PDE1A: variants seen among roughly 807,000 people sequenced by gnomAD.
PDE1A encodes the protein dual specificity calcium/calmodulin-dependent 3',5'-cyclic nucleotide phosphodiesterase 1A.
In PDE1A, 35 loss-of-function variants were observed where a neutral mutation model predicts 61.7. The observed-to-expected ratio is 0.57, with a 90% confidence interval of 0.43 to 0.75. The LOEUF is 0.75. PDE1A is among the 30% of genes least tolerant of loss of function. PDE1A has a pLI of 0.00. For missense variants in PDE1A, 597 were observed against 630.6 expected, an observed-to-expected ratio of 0.95 and a Z score of 0.57; for synonymous variants, 232 against 213.2, an observed-to-expected ratio of 1.09 and a Z score of -0.77.
chr2:182,400,783 G>T (rs892990123), intron 1 of PDE1A, among the ~76,000 whole-genome samples: 3 of 152,194 alleles, frequency 2.0e-5, no homozygotes, highest in Admixed American at 2.0e-4. Context: ...AGGACCACTT[G>T]CTGGGGTGAA....
intron 2 of PDE1A, among the ~76,000 whole-genome samples, chr2:182,242,883 CCTCT>C (rs113191597): frequency 0.27 from 34,839 of 129,220 alleles, 5,811 homozygotes; most frequent in African/African-American, 0.43. Context: ...TCCTCTCCTC[CCTCT>C]CTCTCTCTCT....
chr2:182,377,253 T>C (rs757266952), intron 1 of PDE1A, among the ~76,000 whole-genome samples: 1 of 152,148 alleles, frequency 6.6e-6, no homozygotes. Context: ...TTGGTGATAG[T>C]GAGTTCTCAT....
In PDE1A at chr2:182,199,707, A is replaced by T. The variant is rs1057037958; in HGVS notation, c.1125+1732T>A. ...CCTTTAGAATTTGGTAGGTTTTTAC[A>T]TTTAGTGTATTTTTTTAGCACAAAG... is the stretch of plus-strand genomic sequence containing the variant. On this transcript the variant is annotated intron_variant, in intron 10 of 13. Transcript: ENST00000351439. Among the ~76,000 whole-genome samples, 6 of 152,076 alleles carry T rather than the reference A, an allele frequency of 3.9e-5. 1 individual carries two copies. The highest frequency in any genetic ancestry group is 1.4e-4 in the African/African-American group (6 of 41,412).
intron 1 of PDE1A, among the ~76,000 whole-genome samples, chr2:182,336,458 G>A (rs936160257): frequency 4.6e-5 from 7 of 152,140 alleles, no homozygotes; most frequent in Non-Finnish European, 8.8e-5. Flanking sequence ...ATGAGTTCAT[G>A]TCCTTTGCAG....
At chr2:182,629,301 T>C in the PDE1A span, among the ~76,000 whole-genome samples, 3 of 152,130 alleles carry the variant, frequency 2.0e-5, no homozygotes, top group Non-Finnish European at 4.4e-5. Flanking sequence ...AGAAAATAAG[T>C]GTATGTCATT....
intron 1 of PDE1A, among the ~76,000 whole-genome samples, chr2:182,327,131 G>A (rs1355613609): frequency 6.6e-6 from 1 of 152,172 alleles, no homozygotes; most frequent in Non-Finnish European, 1.5e-5. Context: ...TCCTGTTTTA[G>A]TAGAGCTGAC....
chr2:182,632,463 T>C, the PDE1A span, among the ~76,000 whole-genome samples: 1 of 152,124 alleles, frequency 6.6e-6, no homozygotes, highest in Admixed American at 6.6e-5. Flanking sequence ...CTTCTCATTT[T>C]TTTTTTCTTT....
intron 1 of PDE1A, among the ~76,000 whole-genome samples, chr2:182,411,799 G>C (rs558575365): frequency 6.6e-6 from 1 of 152,134 alleles, no homozygotes; most frequent in African/African-American, 2.4e-5. Context: ...CCAACAACAC[G>C]CCTGTAATCC....
intron 13 of PDE1A, among the ~76,000 whole-genome samples, chr2:182,161,252 T>A (rs1419198587): frequency 6.6e-6 from 1 of 151,756 alleles, no homozygotes; most frequent in Non-Finnish European, 1.5e-5. Context: ...CTGCTGAAAA[T>A]CAAACACAAG....
At chr2:182,206,329 G>A (rs556161921) in intron 7 of PDE1A, among the ~76,000 whole-genome samples, 66 of 152,150 alleles carry the variant, frequency 4.3e-4, no homozygotes, top group Non-Finnish European at 6.6e-4. Context: ...CCACACATGC[G>A]TAACCTCCCC....
At chr2:182,694,827 G>T in the PDE1A span, among the ~76,000 whole-genome samples, 3 of 99,030 alleles carry the variant, frequency 3.0e-5, no homozygotes, top group Admixed American at 1.1e-4. Flanking sequence ...AAAAAAGGTG[G>T]GGGGGGGGCA....
chr2:182,655,890 G>T, the PDE1A span, among the ~76,000 whole-genome samples: 1 of 152,284 alleles, frequency 6.6e-6, no homozygotes, highest in African/African-American at 2.4e-5. Context: ...CTTGACCACT[G>T]TCACAATTAA....
the PDE1A span, among the ~76,000 whole-genome samples, chr2:182,546,556 C>T: frequency 9.9e-4 from 151 of 152,256 alleles, no homozygotes; most frequent in East Asian, 5.0e-3. Context: ...AACGAAGCAT[C>T]GATCACTCAC....
chr2:182,312,831 C>CAAA (rs34592316), intron 1 of PDE1A, among the ~76,000 whole-genome samples: 1 of 145,140 alleles, frequency 6.9e-6, no homozygotes. Flanking sequence ...TATGTTTTAC[C>CAAA]AAAAAAAAAA....
chr2:182,172,080 C>G (rs1217164646), intron 13 of PDE1A, among the ~76,000 whole-genome samples: 1 of 151,944 alleles, frequency 6.6e-6, no homozygotes, highest in African/African-American at 2.4e-5. Flanking sequence ...TGGGGAACAA[C>G]CCTTACATTT....
chr2:182,607,645 C>T, the PDE1A span, among the ~76,000 whole-genome samples: 1 of 152,176 alleles, frequency 6.6e-6, no homozygotes, highest in South Asian at 2.1e-4. Context: ...GAAGTTCAAA[C>T]CCATGTTGTT....
At chr2:182,625,851 C>T in the PDE1A span, among the ~76,000 whole-genome samples, 1 of 152,276 alleles carries the variant, frequency 6.6e-6, no homozygotes, top group African/African-American at 2.4e-5. Flanking sequence ...AAAGACATCC[C>T]TCCTCATGTA....
downstream of PDE1A, among the ~76,000 whole-genome samples, chr2:182,162,951 G>A (rs568156097): frequency 2.0e-5 from 3 of 152,250 alleles, no homozygotes; most frequent in African/African-American, 7.2e-5. Flanking sequence ...AGGCCAAATG[G>A]AAGCTATTAG....
At chr2:182,635,674 ATCTC>A in the PDE1A span, among the ~76,000 whole-genome samples, 5 of 141,876 alleles carry the variant, frequency 3.5e-5, no homozygotes, top group South Asian at 2.2e-4. Flanking sequence ...AAGAGTATCT[ATCTC>A]TCTCTCTCTC....
Sources: allele counts gnomAD v4.1 joint callset (sites outside exome capture counted in the v4.1 genomes callset), GRCh38; gene constraint gnomAD v4.1.1; transcripts MANE v1.5; gene names NCBI Gene and HGNC (gene_info 2026-07-23, HGNC 2026-07-21).